SPON1: variants seen among roughly 807,000 people sequenced by gnomAD.
SPON1 encodes the protein spondin-1.
Under a neutral mutation model 111.7 loss-of-function variants are expected in SPON1, and 52 were observed. The ratio of observed to expected loss-of-function variants is 0.47; its 90% CI spans 0.37 to 0.59. The LOEUF is 0.59. Among genes scored for constraint, SPON1 ranks in the 20% least tolerant of loss-of-function variants. The probability of loss-of-function intolerance (pLI) is 0.00; values close to 1 mark genes in which losing one functional copy is unlikely to be tolerated. For missense variants in SPON1, 957 were observed against 1,068.5 expected (o/e 0.90, Z 1.46); for synonymous variants, 410 against 395.8 (o/e 1.04, Z -0.43).
intron 2 of SPON1, among the ~76,000 whole-genome samples, chr11:14,001,519 T>C (rs1297546455): frequency 5.3e-5 from 8 of 152,136 alleles, no homozygotes; most frequent in African/African-American, 7.2e-5. Flanking sequence ...TCCTGTCTCA[T>C]ATAAAGGAAG....
chr11:14,217,451 C>G (rs1848637209), intron 6 of SPON1, among the ~76,000 whole-genome samples: 1 of 152,100 alleles, frequency 6.6e-6, no homozygotes, highest in Non-Finnish European at 1.5e-5. Flanking sequence ...CAAATATCTT[C>G]AAGAAACAAA....
intron 7 of SPON1, among the ~76,000 whole-genome samples, chr11:14,250,249 C>T (rs782106448): frequency 6.6e-6 from 1 of 151,886 alleles, no homozygotes; most frequent in African/African-American, 2.4e-5. Flanking sequence ...TAATTCAATT[C>T]TTTTCTTTAT....
chr11:14,127,033 T>G (rs554108960), intron 5 of SPON1, among the ~76,000 whole-genome samples: 3 of 152,290 alleles, frequency 2.0e-5, no homozygotes, highest in African/African-American at 7.2e-5. Flanking sequence ...TCAGATTCTC[T>G]TTGGTTACCA....
intron 3 of SPON1, among the ~76,000 whole-genome samples, chr11:14,064,956 G>A (rs1528642): frequency 0.028 from 4,225 of 152,156 alleles, 190 homozygotes; most frequent in African/African-American, 0.097. Flanking sequence ...TCTCCCCAAA[G>A]CAATGCACAT....
chr11:14,041,455 C>T, intron 2 of SPON1, 66 bp from the exon 3 acceptor site: 2 of 1,579,078 alleles, frequency 1.3e-6, no homozygotes, highest in Non-Finnish European at 1.7e-6. Flanking sequence ...GAAGTACCAA[C>T]TTAGAAGCTT....
intron 5 of SPON1, among the ~76,000 whole-genome samples, chr11:14,103,364 G>A (rs1849158744): frequency 6.6e-6 from 1 of 152,174 alleles, no homozygotes; most frequent in Admixed American, 6.5e-5. Context: ...AGGGCTTTAT[G>A]CTGCTGCCCT....
At chr11:14,217,356 A>G (rs1402561461) in intron 6 of SPON1, among the ~76,000 whole-genome samples, 1 of 152,190 alleles carries the variant, frequency 6.6e-6, no homozygotes, top group Non-Finnish European at 1.5e-5. Flanking sequence ...TATTACGTAA[A>G]GAAAAAAAAA....
intron 14 of SPON1, among the ~76,000 whole-genome samples, chr11:14,262,160 G>A (rs1407250242): frequency 6.6e-6 from 1 of 152,132 alleles, no homozygotes; most frequent in Non-Finnish European, 1.5e-5. Context: ...CCCATTTCTG[G>A]CTCCTGTGTT....
At chr11:14,095,709 A>G (rs1849095350) in intron 5 of SPON1, among the ~76,000 whole-genome samples, 1 of 152,184 alleles carries the variant, frequency 6.6e-6, no homozygotes, top group Non-Finnish European at 1.5e-5. Flanking sequence ...TTCGGCCCTC[A>G]ATTGATTGGA....
At chr11:14,208,184 T>C (rs1301045168) in intron 6 of SPON1, among the ~76,000 whole-genome samples, 1 of 152,046 alleles carries the variant, frequency 6.6e-6, no homozygotes, top group East Asian at 1.9e-4. Flanking sequence ...AGGGGAACAA[T>C]GCATGCTGGG....
At chr11:14,252,896 A>G (rs1554940792) in intron 7 of SPON1, among the ~76,000 whole-genome samples, 1 of 152,238 alleles carries the variant, frequency 6.6e-6, no homozygotes, top group African/African-American at 2.4e-5. Flanking sequence ...TTCAGCAAAT[A>G]TAGGGTGGGG....
intron 5 of SPON1, among the ~76,000 whole-genome samples, chr11:14,116,066 C>T (rs914986086): frequency 1.5e-4 from 23 of 152,090 alleles, no homozygotes; most frequent in African/African-American, 5.1e-4. Context: ...ATGTTTTGAT[C>T]GTTTTTCTTT....
chr11:14,168,540 A>G (rs1453545665), intron 6 of SPON1, among the ~76,000 whole-genome samples: 3 of 152,142 alleles, frequency 2.0e-5, no homozygotes, highest in Admixed American at 2.0e-4. Context: ...TTTAGGGTAC[A>G]TGTGCACAAC....
chr11:14,021,105 C>T (rs547576955), intron 2 of SPON1, among the ~76,000 whole-genome samples: 1 of 151,950 alleles, frequency 6.6e-6, no homozygotes, highest in African/African-American at 2.4e-5. Context: ...AGGTAAAATC[C>T]TGGGCACAAT....
intron 3 of SPON1, among the ~76,000 whole-genome samples, chr11:14,043,343 G>A (rs1331165541): frequency 6.6e-6 from 1 of 152,200 alleles, no homozygotes. Context: ...TTGGTTTGGA[G>A]GGCATATTTG....
intron 3 of SPON1, among the ~76,000 whole-genome samples, chr11:14,058,106 TTTC>T (rs1554919461): frequency 3.3e-5 from 5 of 152,068 alleles, no homozygotes. Context: ...CCTTCCTTTT[TTTC>T]TTTTCTCCCT....
intron 5 of SPON1, among the ~76,000 whole-genome samples, chr11:14,110,012 C>T (rs1849215594): frequency 6.6e-6 from 1 of 152,216 alleles, no homozygotes; most frequent in African/African-American, 2.4e-5. Flanking sequence ...ATAGATACAT[C>T]AGACAGATTC....
chr11:14,090,753 G>C (rs1283527780), intron 5 of SPON1, among the ~76,000 whole-genome samples: 1 of 147,284 alleles, frequency 6.8e-6, no homozygotes, highest in African/African-American at 2.6e-5. Context: ...AAAGAACAAA[G>C]CTTCCACAGT....
chr11:14,081,432 A>G (rs1373382312), intron 5 of SPON1, among the ~76,000 whole-genome samples: 1 of 152,190 alleles, frequency 6.6e-6, no homozygotes, highest in African/African-American at 2.4e-5. Context: ...TTAATCCTCA[A>G]AGTAATGTGT....
Sources: allele counts gnomAD v4.1 joint callset (sites outside exome capture counted in the v4.1 genomes callset), GRCh38; gene constraint gnomAD v4.1.1; transcripts MANE v1.5; gene names NCBI Gene and HGNC (gene_info 2026-07-23, HGNC 2026-07-21).